Variants in ST3GAL1 observed in about 807,000 individuals in gnomAD.
ST3GAL1 encodes the protein CMP-N-acetylneuraminate-beta-galactosamide-alpha-2,3-sialyltransferase 1.
ST3GAL1 carries 16 observed loss-of-function variants against 34.1 expected under a neutral mutation model. The observed-to-expected ratio is 0.47, with a 90% CI of 0.32 to 0.71. ST3GAL1 has a LOEUF of 0.71. Among genes scored for constraint, ST3GAL1 ranks in the 30% least tolerant of loss-of-function variants. ST3GAL1 has a pLI of 0.04. For synonymous variants in ST3GAL1, 191 were observed against 184.7 expected, an observed-to-expected ratio of 1.03 and a Z score of -0.28; for missense variants, 353 against 447.4, an observed-to-expected ratio of 0.79 and a Z score of 1.90.
intron 1 of ST3GAL1, among the ~76,000 whole-genome samples, chr8:133,566,786 ACT>A (rs1428995060): frequency 1.3e-5 from 2 of 152,184 alleles, no homozygotes; most frequent in Non-Finnish European, 2.9e-5. Flanking sequence ...CAAAGCAGCC[ACT>A]CTCTGTTTTA....
chr8:133,513,967 T>A (rs1817571559), intron 2 of ST3GAL1, among the ~76,000 whole-genome samples: 2 of 151,636 alleles, frequency 1.3e-5, no homozygotes, highest in East Asian at 3.9e-4. Context: ...TGAATGACAG[T>A]GCAAACTAAA....
At chr8:133,569,370 A>G (rs1819496857) in intron 1 of ST3GAL1, among the ~76,000 whole-genome samples, 1 of 152,258 alleles carries the variant, frequency 6.6e-6, no homozygotes, top group African/African-American at 2.4e-5. Flanking sequence ...ATACACATAC[A>G]CACATGTAGA....
At chr8:133,490,912 T>G (rs2081802895) in intron 3 of ST3GAL1, among the ~76,000 whole-genome samples, 1 of 152,202 alleles carries the variant, frequency 6.6e-6, no homozygotes, top group Non-Finnish European at 1.5e-5. Flanking sequence ...GTCCGTTTCC[T>G]TTGGAGCCTG....
chr8:133,538,319 G>A lies in ST3GAL1; in HGVS notation c.-429+7455C>T, dbSNP rs574215804. On this transcript the variant is annotated intron_variant, in intron 2 of 9. Transcript: ENST00000522652. Reference sequence around the variant, plus strand: ...CACCTGAGGTCAGGAGTTCGAGATCGGCCTGGCCAACATGGCGAAACCCCA... The same window carrying A: ...CACCTGAGGTCAGGAGTTCGAGATCAGCCTGGCCAACATGGCGAAACCCCA... 5.3e-5 allele frequency among the ~76,000 whole-genome samples: 8 copies of A among 152,226 alleles called. No individual in the cohort carries two copies. In the South Asian group the frequency reaches 8.3e-4, roughly 16 times the overall value.
chr8:133,559,868 C>G (rs1203129641), intron 1 of ST3GAL1, among the ~76,000 whole-genome samples: 1 of 152,200 alleles, frequency 6.6e-6, no homozygotes, highest in African/African-American at 2.4e-5. Context: ...AACCCCCCGG[C>G]AGGCTCAAAG....
intron 2 of ST3GAL1, among the ~76,000 whole-genome samples, chr8:133,525,241 C>T (rs372444467): frequency 1.3e-5 from 2 of 152,218 alleles, no homozygotes; most frequent in Non-Finnish European, 2.9e-5. Flanking sequence ...AGAGAAGACA[C>T]ATAGTGGGTA....
chr8:133,498,309 C>T (rs934944256), intron 3 of ST3GAL1, among the ~76,000 whole-genome samples: 1 of 152,234 alleles, frequency 6.6e-6, no homozygotes, highest in Non-Finnish European at 1.5e-5. Flanking sequence ...AAGCGCTCAG[C>T]ACTCAGGGAG....
rs1421902808 is a variant in ST3GAL1, at chr8:133,508,224, A to C, written c.-428-9035T>G. Among the ~76,000 whole-genome samples the C allele has an allele frequency of 6.6e-6, 1 of 152,040 alleles. No homozygotes were observed. The highest frequency in any genetic ancestry group is 1.9e-4 in the East Asian group (1 of 5,186). On this transcript the variant is annotated intron_variant, in intron 2 of 9. Coordinates refer to ENST00000522652, the MANE Select transcript of ST3GAL1 (RefSeq NM_173344.3). The surrounding 1 kb of genome is among the most constrained non-coding windows in gnomAD (Gnocchi z 4.1). ...CTGATTCAAACACCAAACTACCTGG[A>C]CTCCAGAGTCCAGAACACGTTTCTT...
At chr8:133,529,573 G>A (rs1188676122) in intron 2 of ST3GAL1, among the ~76,000 whole-genome samples, 1 of 152,172 alleles carries the variant, frequency 6.6e-6, no homozygotes, top group African/African-American at 2.4e-5. Flanking sequence ...CCCATGGTGG[G>A]CTCTAGGGTA....
rs112708766 is a variant in ST3GAL1, at chr8:133,535,525, A to ATTTTTTTTT, written c.-429+10240_-429+10248dup. On this transcript the variant is annotated intron_variant, in intron 2 of 9. Transcript: ENST00000522652. ...TTTTTTAGCAAGAAAGTATTTTTTAATTTTTTTTTTTAGAAACAAGGTCTC... is the reference window on the plus strand; with the variant it reads ...TTTTTTAGCAAGAAAGTATTTTTTAATTTTTTTTTTTTTTTTTTTTAGAAACAAGGTCTC... Among the ~76,000 whole-genome samples the ATTTTTTTTT allele has an allele frequency of 4.1e-5, 6 of 145,016 alleles. 1 individual carries two copies. The highest frequency in any genetic ancestry group is 3.9e-4 in the East Asian group (2 of 5,076).
chr8:133,530,898 G>C (rs1432429933), intron 2 of ST3GAL1, among the ~76,000 whole-genome samples: 1 of 152,186 alleles, frequency 6.6e-6, no homozygotes, highest in Non-Finnish European at 1.5e-5. Flanking sequence ...TCAGCAAAGG[G>C]AGGGAAAGAA....
chr8:133,561,695 G>A (rs893382452), intron 1 of ST3GAL1, among the ~76,000 whole-genome samples: 2 of 152,138 alleles, frequency 1.3e-5, no homozygotes, highest in Non-Finnish European at 2.9e-5. Flanking sequence ...GAGCACGGGG[G>A]TGAGGTGGAG....
intron 8 of ST3GAL1, among the ~76,000 whole-genome samples, chr8:133,462,310 CAGG>C (rs943893099): frequency 6.6e-6 from 1 of 152,158 alleles, no homozygotes; most frequent in African/African-American, 2.4e-5. Flanking sequence ...GGAGGCTGCT[CAGG>C]AGAAGGGGGC....
intron 7 of ST3GAL1, 112 bp from the exon 8 acceptor site, chr8:133,463,571 G>T (rs1815596459): frequency 8.5e-7 from 1 of 1,172,080 alleles, no homozygotes. Context: ...AGCCTCTCCT[G>T]CCCCCCATAG....
At chr8:133,548,041 G>T (rs1455741566) in intron 1 of ST3GAL1, among the ~76,000 whole-genome samples, 1 of 152,162 alleles carries the variant, frequency 6.6e-6, no homozygotes, top group Non-Finnish European at 1.5e-5. Context: ...ATTCTATTTG[G>T]CACCTGCTGA....
In ST3GAL1 at chr8:133,458,766, C is replaced by CAGAT. The variant is rs1815388726; in HGVS notation, c.*994_*997dup. Reference sequence around the variant, plus strand: ...AAATACAAAGGCACATGGAAGTGGTCAGATCCGCTCTCGCCACGATTAGAA... The same window carrying CAGAT: ...AAATACAAAGGCACATGGAAGTGGTCAGATAGATCCGCTCTCGCCACGATTAGAA... On this transcript the variant is annotated 3_prime_UTR_variant, in exon 10 of 10. Transcript: ENST00000522652. 1 of 152,284 alleles carries CAGAT rather than the reference C, an allele frequency of 6.6e-6. No individual in the cohort carries two copies. Among genetic ancestry groups the CAGAT allele is most frequent in the South Asian group, 2.1e-4 (1 of 4,818 alleles). 9.4% of individuals were successfully genotyped at this position (152,284 alleles called of 1,614,324 possible).
chr8:133,485,831 C>T (rs947976704), intron 3 of ST3GAL1, among the ~76,000 whole-genome samples: 7 of 151,930 alleles, frequency 4.6e-5, no homozygotes, highest in Non-Finnish European at 8.8e-5. Flanking sequence ...GCTGCTGCCA[C>T]AAGGGGTGGG....
chr8:133,561,539 C>G (rs1311710133), intron 1 of ST3GAL1, among the ~76,000 whole-genome samples: 2 of 151,948 alleles, frequency 1.3e-5, no homozygotes, highest in Non-Finnish European at 1.5e-5. Context: ...AAATGGTGGT[C>G]GTGGTGGTTG....
At chr8:133,530,389 C>A (rs1049224068) in intron 2 of ST3GAL1, among the ~76,000 whole-genome samples, 1 of 151,852 alleles carries the variant, frequency 6.6e-6, no homozygotes, top group East Asian at 1.9e-4. Context: ...ACAAGCAATT[C>A]TCCTGTCTCA....
Sources: allele counts gnomAD v4.1 joint callset (sites outside exome capture counted in the v4.1 genomes callset), GRCh38; gene constraint gnomAD v4.1.1; non-coding constraint Gnocchi (gnomAD v3.1); transcripts MANE v1.5; gene names NCBI Gene and HGNC (gene_info 2026-07-23, HGNC 2026-07-21).